CPNE9: variants seen among roughly 807,000 people sequenced by gnomAD.
CPNE9 encodes copine-9.
A neutral mutation model predicts 83.0 loss-of-function variants in CPNE9; 59 were observed. That is an observed-to-expected ratio of 0.71 (90% CI 0.58 to 0.88). The LOEUF (loss-of-function observed/expected upper bound fraction) is 0.88, where lower values mean the gene tolerates loss of function less well. Ranked by LOEUF, CPNE9 falls within the 40% of genes least tolerant of loss-of-function variation. CPNE9 has a pLI of 0.00. For missense variants in CPNE9, 619 were observed against 720.8 expected (o/e 0.86, Z 1.62); for synonymous variants, 256 against 273.4 (o/e 0.94, Z 0.63).
At chr3:9,714,489 C>A (rs1575123313) in intron 10 of CPNE9, among the ~76,000 whole-genome samples, 2 of 150,250 alleles carry the variant, frequency 1.3e-5, no homozygotes, top group Non-Finnish European at 3.0e-5. Flanking sequence ...AGATCTTAGC[C>A]AAATTACTTT....
chr3:9,723,339 G>T (rs2076750241), intron 17 of CPNE9, among the ~76,000 whole-genome samples: 1 of 152,216 alleles, frequency 6.6e-6, no homozygotes, highest in Non-Finnish European at 1.5e-5. Flanking sequence ...GGGCATGGTG[G>T]TGGGCGCCTG....
In CPNE9 at chr3:9,705,703, T is replaced by C. The variant is rs1291064102; in HGVS notation, c.298-15T>C. On this transcript the variant is annotated splice_polypyrimidine_tract_variant and intron_variant, in intron 5 of 20. Transcript: ENST00000383832. ...GTTCCTCTTCCTTCTTGGCTGCCACTGCTGGGACCTGCAGAAGGTGAGGCT... is the reference window on the plus strand; with the variant it reads ...GTTCCTCTTCCTTCTTGGCTGCCACCGCTGGGACCTGCAGAAGGTGAGGCT... The C allele has an allele frequency of 5.6e-6, 9 of 1,613,670 alleles. No individual in the cohort carries two copies.
chr3:9,725,210 A>G (rs2076766494), intron 17 of CPNE9, among the ~76,000 whole-genome samples: 1 of 152,112 alleles, frequency 6.6e-6, no homozygotes, highest in Non-Finnish European at 1.5e-5. Flanking sequence ...ATGTATCTCC[A>G]GTGTCTACCA....
intron 7 of CPNE9, among the ~76,000 whole-genome samples, chr3:9,711,684 T>A (rs1274330012): frequency 1.3e-5 from 2 of 152,162 alleles, no homozygotes. Flanking sequence ...CCTAGTTTTC[T>A]CTCTGCCACA....
chr3:9,711,242 A>G (rs2076624007), intron 7 of CPNE9, among the ~76,000 whole-genome samples: 1 of 152,120 alleles, frequency 6.6e-6, no homozygotes, highest in Non-Finnish European at 1.5e-5. Context: ...TTACTCTGTC[A>G]CCCAGGCTGG....
intron 19 of CPNE9, 86 bp from the exon 20 acceptor site, chr3:9,727,027 G>T: frequency 7.3e-7 from 1 of 1,371,402 alleles, no homozygotes; most frequent in South Asian, 1.2e-5. Context: ...TTCTCCTGAT[G>T]ACTCCAAAGG....
At chr3:9,712,876 T>C in intron 9 of CPNE9, 48 bp downstream of exon 9, 1 of 1,582,502 alleles carries the variant, frequency 6.3e-7, no homozygotes, top group Non-Finnish European at 8.7e-7. Context: ...GCCATGTGCT[T>C]AACAAGTGGG....
chr3:9,725,964 C>A lies in CPNE9; in HGVS notation c.1257C>A (p.Ile419=). The stretch of plus-strand genomic sequence containing the variant: ...TCTCATCCAGGGCTGCAGCCAAGAT[C>A]TCTGATGGCTCCCAGTACTATGTTC... ...INQVARAAAK[I]SDGSQYYVLL... The change falls in exon 18 of 21, where the codon ATC becomes ATA. Residue 419 remains isoleucine (I), a synonymous_variant. Transcript: ENST00000383832. 6.2e-7 allele frequency: 1 copy of A among 1,613,234 alleles called. No individual in the cohort carries two copies. The highest frequency in any genetic ancestry group is 8.5e-7 in the Non-Finnish European group (1 of 1,179,416).
chr3:9,729,756 C>T lies in CPNE9; in HGVS notation c.*64C>T. 1 of 1,525,764 alleles carries T rather than the reference C, an allele frequency of 6.6e-7. No individual in the cohort carries two copies. Among genetic ancestry groups the T allele is most frequent in the Admixed American group, 2.0e-5 (1 of 51,208 alleles). The allele number at this position is 1,525,764 out of a possible 1,614,324, so 94.5% of individuals were successfully genotyped here. A position where few individuals can be genotyped will look rare whatever the true frequency, so the allele number is the denominator to read the frequency against. ...GCTCACCCACTGCTTCTGCTTTAAG[C>T]CAGAGGCACCTGGAACCCTGGACTT... On this transcript the variant is annotated 3_prime_UTR_variant, in exon 21 of 21. Coordinates refer to ENST00000383832, the MANE Select transcript of CPNE9 (RefSeq NM_153635.3).
chr3:9,729,063 T>C (rs1053909065), intron 20 of CPNE9, among the ~76,000 whole-genome samples: 7 of 152,102 alleles, frequency 4.6e-5, no homozygotes, highest in African/African-American at 7.2e-5. Flanking sequence ...AGAGAGCAGA[T>C]AGACCCAGAG....
Position 9,715,507 on chromosome 3 carries a change from A to C in CPNE9, c.803A>C (p.Lys268Thr). ...LNPRKKCKKK[K>T]YVNSGTVTLL... is the part of the protein sequence containing the mutation. Reference sequence around the variant, plus strand: ...CCTCGGAAGAAATGTAAGAAGAAGAAATATGTCAACTCAGGAACTGTGAGT... The same window carrying C: ...CCTCGGAAGAAATGTAAGAAGAAGACATATGTCAACTCAGGAACTGTGAGT... Residue 268 changes from lysine (K) to threonine (T), a missense_variant, in exon 13 of 21, where the codon AAA becomes ACA. Transcript: ENST00000383832. 6.2e-7 allele frequency: 1 copy of C among 1,614,050 alleles called. No homozygotes were observed. Among genetic ancestry groups the C allele is most frequent in the Non-Finnish European group, 8.5e-7 (1 of 1,179,906 alleles).
rs2076706469 is a variant in CPNE9, at chr3:9,718,531, T to C, written c.1170T>C (p.Tyr390=). 1 of 1,613,664 alleles carries C rather than the reference T, an allele frequency of 6.2e-7. No homozygotes were observed. Among genetic ancestry groups the C allele is most frequent in the Non-Finnish European group, 8.5e-7 (1 of 1,179,952 alleles). The change falls in exon 17 of 21, where the codon TAT becomes TAC. Residue 390 remains tyrosine (Y), a synonymous_variant. Transcript: ENST00000383832. The stretch of plus-strand genomic sequence containing the variant: ...GCATCGAGGGTGTGCTGGAGAGCTA[T>C]TTCCAGAGCCTGCGCACAGTGCAGC... The part of the protein sequence containing the change: ...CAGIEGVLES[Y]FQSLRTVQLY...
intron 14 of CPNE9, among the ~76,000 whole-genome samples, chr3:9,716,372 C>T (rs901895657): frequency 1.3e-5 from 2 of 152,096 alleles, no homozygotes; most frequent in Non-Finnish European, 2.9e-5. Context: ...CACAACCAAG[C>T]AGACTATAGG....
chr3:9,716,247 G>A (rs1016879644), intron 14 of CPNE9, among the ~76,000 whole-genome samples: 6 of 152,090 alleles, frequency 3.9e-5, no homozygotes, highest in African/African-American at 1.2e-4. Flanking sequence ...CTTAGCTTTC[G>A]ACTCCTCCTG....
chr3:9,712,932 G>A (rs776310726), intron 9 of CPNE9, 43 bp from the exon 10 acceptor site: 51 of 1,581,114 alleles, frequency 3.2e-5, no homozygotes, highest in African/African-American at 1.1e-4. Flanking sequence ...GTCCTACCCC[G>A]GGCACGAGAT....
intron 5 of CPNE9, 91 bp from the exon 6 acceptor site, chr3:9,705,627 C>A: frequency 1.3e-6 from 2 of 1,576,600 alleles, no homozygotes. Flanking sequence ...AACCCACCCT[C>A]CTGGTCCCTC....
intron 17 of CPNE9, among the ~76,000 whole-genome samples, chr3:9,725,215 C>G (rs2076766517): frequency 6.6e-6 from 1 of 152,140 alleles, no homozygotes; most frequent in Non-Finnish European, 1.5e-5. Context: ...TCTCCAGTGT[C>G]TACCATAGTA....
In CPNE9 at chr3:9,714,902, C is replaced by A; in HGVS notation, c.651-12C>A. On this transcript the variant is annotated splice_polypyrimidine_tract_variant and intron_variant, in intron 10 of 20. Coordinates refer to ENST00000383832, the MANE Select transcript of CPNE9 (RefSeq NM_153635.3). ...ATACACACCTAGGGTATGTTTATCT[C>A]CTACATTTCAGAACGGTGAAGATTG... 1 of 1,612,696 alleles carries A rather than the reference C, an allele frequency of 6.2e-7. No homozygotes were observed. The highest frequency in any genetic ancestry group is 8.5e-7 in the Non-Finnish European group (1 of 1,178,970).
rs1029013418 is a variant in CPNE9, at chr3:9,703,992, C to G, written c.-5C>G. The G allele has an allele frequency of 1.2e-6, 2 of 1,603,098 alleles. No homozygotes were observed. Among genetic ancestry groups the G allele is most frequent in the Admixed American group, 1.7e-5 (1 of 59,550 alleles). On this transcript the variant is annotated 5_prime_UTR_variant, in exon 1 of 21. Transcript: ENST00000383832. ...CCTCCTGCGGCTCTGGTCGCCCGAC[C>G]AGCCATGTCTCTCGGCGGAGCCTCC...
Sources: gnomAD v4.1 joint callset for allele counts (sites outside exome capture counted in the v4.1 genomes callset) on GRCh38, gnomAD v4.1.1 for gene constraint, MANE v1.5 for transcripts, NCBI Gene and HGNC (gene_info 2026-07-23, HGNC 2026-07-21) for gene names.